The following EPHB1 variants were observed in gnomAD, a reference collection of about 807,000 sequenced individuals.
EPHB1 encodes EPH receptor B1.
In EPHB1, 30 loss-of-function variants were observed where a neutral mutation model predicts 94.4. The observed-to-expected ratio is 0.32, with a 90% CI of 0.24 to 0.43. The LOEUF is 0.43. EPHB1 is among the 20% of genes least tolerant of loss of function. The probability of loss-of-function intolerance (pLI) is 1.00; values close to 1 mark genes in which losing one functional copy is unlikely to be tolerated. For missense variants in EPHB1, 1,055 were observed against 1,308.3 expected (o/e 0.81, Z 2.99); for synonymous variants, 522 against 489.1 (o/e 1.07, Z -0.89).
At chr3:135,207,898 T>G (rs869024) in intron 12 of EPHB1, among the ~76,000 whole-genome samples, 60,608 of 152,016 alleles carry the variant, frequency 0.4, 12,196 homozygotes, top group Middle Eastern at 0.47. Context: ...CTTCCTCTTT[T>G]GAAAGCACAT....
chr3:135,188,638 G>A (rs185113165), intron 10 of EPHB1, among the ~76,000 whole-genome samples: 2 of 152,294 alleles, frequency 1.3e-5, no homozygotes, highest in East Asian at 3.9e-4. Context: ...TATATAACAA[G>A]GAGAAAGCTA....
intron 3 of EPHB1, among the ~76,000 whole-genome samples, chr3:134,974,381 T>C (rs904009962): frequency 6.6e-6 from 1 of 152,222 alleles, no homozygotes; most frequent in African/African-American, 2.4e-5. Context: ...ACTTTACCTT[T>C]CTGTGCGTTG....
chr3:135,158,752 T>C (rs1490365330), intron 6 of EPHB1, among the ~76,000 whole-genome samples: 1 of 152,194 alleles, frequency 6.6e-6, no homozygotes, highest in Non-Finnish European at 1.5e-5. Context: ...TACTGTCGTG[T>C]AGCACTTTTC....
At chr3:134,943,920 A>G (rs2039169737) in intron 2 of EPHB1, among the ~76,000 whole-genome samples, 1 of 152,214 alleles carries the variant, frequency 6.6e-6, no homozygotes, top group African/African-American at 2.4e-5. Context: ...TGGACCAGAT[A>G]ACAGAGGGGT....
chr3:135,179,736 A>T (rs1942100945), intron 9 of EPHB1, 124 bp from the exon 10 acceptor site: 1 of 1,131,352 alleles, frequency 8.8e-7, no homozygotes, highest in Non-Finnish European at 1.3e-6. Flanking sequence ...GGCAGAGAAA[A>T]GTTGCAGCCT....
At chr3:135,041,694 G>C (rs73864234) in intron 3 of EPHB1, among the ~76,000 whole-genome samples, 2,663 of 152,306 alleles carry the variant, frequency 0.017, 87 homozygotes, top group African/African-American at 0.062. Context: ...GTACGTCCCT[G>C]TTTTAGTCAT....
intron 1 of EPHB1, among the ~76,000 whole-genome samples, chr3:134,888,303 G>C (rs1468956205): frequency 6.6e-6 from 1 of 152,212 alleles, no homozygotes; most frequent in Non-Finnish European, 1.5e-5. Context: ...GGTCTCTTCT[G>C]TGAGCTCCAA....
chr3:135,039,203 T>A (rs980590591), intron 3 of EPHB1, among the ~76,000 whole-genome samples: 1 of 151,546 alleles, frequency 6.6e-6, no homozygotes, highest in Middle Eastern at 3.2e-3. Flanking sequence ...GACATAAAGG[T>A]TCTCCACGTC....
rs73861899 is a variant in EPHB1 at position 134,966,809 on chromosome 3, G to A, written c.805+14757G>A. Reference sequence around the variant, plus strand: ...ATTCCTGCCATTCTGTTTGCCCAGAGCAACCCTGATGTACGGTGCTGAAGT... The same window carrying A: ...ATTCCTGCCATTCTGTTTGCCCAGAACAACCCTGATGTACGGTGCTGAAGT... On this transcript the variant is annotated intron_variant, in intron 3 of 15. Coordinates refer to ENST00000398015, the MANE Select transcript of EPHB1 (RefSeq NM_004441.5). 4.7e-3 allele frequency among the ~76,000 whole-genome samples: 721 copies of A among 152,330 alleles called. 3 individuals carry two copies. Among genetic ancestry groups the A allele is most frequent in the African/African-American group, 0.017 (699 of 41,578 alleles).
At chr3:135,248,721 T>C (rs1183299772) in intron 14 of EPHB1, among the ~76,000 whole-genome samples, 1 of 151,994 alleles carries the variant, frequency 6.6e-6, no homozygotes. Flanking sequence ...ATCAGGATAA[T>C]GGTTGTGGAA....
At chr3:134,982,221 CTCTGCAGTTG>C (rs1199365726) in intron 3 of EPHB1, among the ~76,000 whole-genome samples, 8 of 152,128 alleles carry the variant, frequency 5.3e-5, no homozygotes, top group Non-Finnish European at 1.0e-4. Context: ...AAAGATTATC[CTCTGCAGTTG>C]TACTGTGAGG....
At chr3:135,122,882 T>C (rs1940031823) in intron 4 of EPHB1, among the ~76,000 whole-genome samples, 2 of 152,214 alleles carry the variant, frequency 1.3e-5, no homozygotes, top group South Asian at 2.1e-4. Context: ...CTAACTGTTA[T>C]GATTAGGAGA....
At chr3:134,857,270 C>T (rs1331557096) in intron 1 of EPHB1, among the ~76,000 whole-genome samples, 5 of 152,134 alleles carry the variant, frequency 3.3e-5, no homozygotes, top group East Asian at 1.9e-4. Flanking sequence ...TACTCCTCTC[C>T]GTATATTTTC....
At chr3:134,938,408 G>A (rs547260864) in intron 2 of EPHB1, among the ~76,000 whole-genome samples, 10 of 152,320 alleles carry the variant, frequency 6.6e-5, no homozygotes, top group South Asian at 2.1e-4. Flanking sequence ...TTCAGAGCTC[G>A]TGCCCTGCTG....
At chr3:135,185,961 C>T (rs1231072388) in intron 10 of EPHB1, among the ~76,000 whole-genome samples, 1 of 152,112 alleles carries the variant, frequency 6.6e-6, no homozygotes, top group Non-Finnish European at 1.5e-5. Flanking sequence ...CATAGAATAC[C>T]CTGGTCCTGT....
chr3:135,110,209 G>A (rs1939384978), intron 4 of EPHB1, among the ~76,000 whole-genome samples: 1 of 152,204 alleles, frequency 6.6e-6, no homozygotes, highest in Non-Finnish European at 1.5e-5. Flanking sequence ...CACTCACATG[G>A]AAGAAATTTT....
intron 15 of EPHB1, among the ~76,000 whole-genome samples, chr3:135,257,320 G>A (rs1429832712): frequency 2.6e-5 from 4 of 152,074 alleles, no homozygotes; most frequent in African/African-American, 9.7e-5. Flanking sequence ...CACCTTTTCT[G>A]TTCTGTTTTT....
chr3:135,051,794 G>A (rs1460426218), intron 3 of EPHB1, among the ~76,000 whole-genome samples: 2 of 152,174 alleles, frequency 1.3e-5, no homozygotes, highest in Admixed American at 6.5e-5. Flanking sequence ...AGAGAAGGCA[G>A]ACTGGAGGCA....
chr3:134,961,496 A>G (rs923999823), intron 3 of EPHB1, among the ~76,000 whole-genome samples: 29 of 152,166 alleles, frequency 1.9e-4, no homozygotes, highest in African/African-American at 7.0e-4. Flanking sequence ...TTTTGTTGTT[A>G]CTAAAAACAT....
Sources: allele counts gnomAD v4.1 joint callset (sites outside exome capture counted in the v4.1 genomes callset), GRCh38; gene constraint gnomAD v4.1.1; transcripts MANE v1.5; gene names NCBI Gene and HGNC (gene_info 2026-07-23, HGNC 2026-07-21).